Variants in EIF4E observed in about 807,000 individuals in gnomAD.
The protein encoded by EIF4E is eIF-4F 25 kDa subunit.
For missense variants in EIF4E, 113 were observed against 265.6 expected, an observed-to-expected ratio of 0.43 and a Z score of 3.99; for synonymous variants, 71 against 88.5, an observed-to-expected ratio of 0.80 and a Z score of 1.11.
intron 1 of EIF4E, among the ~76,000 whole-genome samples, chr4:98,924,018 GTC>G (rs1725765844): frequency 6.6e-6 from 1 of 151,852 alleles, no homozygotes. Context: ...TCTCAAAAAA[GTC>G]TCTATGACTA....
At chr4:98,904,260 A>T (rs1241361211) in intron 1 of EIF4E, among the ~76,000 whole-genome samples, 1 of 152,182 alleles carries the variant, frequency 6.6e-6, no homozygotes, top group Non-Finnish European at 1.5e-5. Context: ...AGGAGTTCGA[A>T]AACAGCCTCA....
At chr4:98,884,265 T>C (rs1300760079) in intron 6 of EIF4E, among the ~76,000 whole-genome samples, 2 of 152,216 alleles carry the variant, frequency 1.3e-5, no homozygotes, top group Non-Finnish European at 2.9e-5. Context: ...TTCAAAGTAG[T>C]ACTTTTTTCC....
intron 1 of EIF4E, among the ~76,000 whole-genome samples, chr4:98,914,604 C>T (rs1164739799): frequency 6.6e-6 from 1 of 151,782 alleles, no homozygotes; most frequent in Admixed American, 6.6e-5. Flanking sequence ...CTGGAAAAGA[C>T]AAAAAGATCA....
At chr4:98,907,212 C>T (rs1482750048) in intron 1 of EIF4E, among the ~76,000 whole-genome samples, 1 of 152,102 alleles carries the variant, frequency 6.6e-6, no homozygotes, top group Non-Finnish European at 1.5e-5. Flanking sequence ...AGGTATTCCT[C>T]CCAGAACAAT....
At chr4:98,883,234 T>C (rs1478764992) in intron 6 of EIF4E, among the ~76,000 whole-genome samples, 2 of 152,098 alleles carry the variant, frequency 1.3e-5, no homozygotes, top group Non-Finnish European at 2.9e-5. Context: ...ATCGCGCTAC[T>C]GCACCCCAGC....
At chr4:98,911,660 T>TAAA (rs1725142706) in intron 1 of EIF4E, among the ~76,000 whole-genome samples, 1 of 38,182 alleles carries the variant, frequency 2.6e-5, no homozygotes. Flanking sequence ...AAACTCTGTC[T>TAAA]CAAAAAAAAA....
intron 1 of EIF4E, chr4:98,903,362 T>G (rs1724729089): frequency 2.5e-6 from 1 of 395,268 alleles, no homozygotes; most frequent in Admixed American, 3.3e-5. Context: ...GAATATGGGT[T>G]TTTTTTTTTT....
intron 6 of EIF4E, among the ~76,000 whole-genome samples, chr4:98,883,073 G>A (rs1393897822): frequency 1.3e-5 from 2 of 152,056 alleles, no homozygotes; most frequent in Non-Finnish European, 2.9e-5. Flanking sequence ...ATGACTTGAG[G>A]CTAGGAGTTT....
At chr4:98,883,148 T>C (rs1026364368) in intron 6 of EIF4E, among the ~76,000 whole-genome samples, 19 of 151,956 alleles carry the variant, frequency 1.3e-4, no homozygotes, top group African/African-American at 4.6e-4. Context: ...GGTTCAGGCC[T>C]GTGGTCCCAG....
intron 1 of EIF4E, chr4:98,903,468 G>A (rs1194312146): frequency 1.5e-5 from 7 of 454,788 alleles, no homozygotes; most frequent in East Asian, 7.0e-5. Flanking sequence ...CAGCTTCCAC[G>A]GTAACTGGGA....
At chr4:98,902,262 G>A (rs1724686117) in intron 1 of EIF4E, among the ~76,000 whole-genome samples, 1 of 152,172 alleles carries the variant, frequency 6.6e-6, no homozygotes, top group Non-Finnish European at 1.5e-5. Flanking sequence ...AGTAGAGACG[G>A]GGTTTCACCC....
In EIF4E at chr4:98,901,971, A is replaced by T; in HGVS notation, c.30T>A (p.Pro10=). The T allele has an allele frequency of 6.2e-7, 1 of 1,613,746 alleles. No homozygotes were observed. Among genetic ancestry groups the T allele is most frequent in the Non-Finnish European group, 8.5e-7 (1 of 1,179,898 alleles). The change falls in exon 2 of 7, where the codon CCT becomes CCA. Residue 10 remains proline, a synonymous_variant. Transcript: ENST00000450253. ...CTTCTGTAGTCGGGGGATTAGGAGT[A>T]GGGGTGGTTTCCTAGTGGAAAATAA... is the stretch of plus-strand genomic sequence containing the variant. MATVEPETT[P]TPNPPTTEEE...
At chr4:98,905,446 G>A (rs1004240161) in intron 1 of EIF4E, among the ~76,000 whole-genome samples, 1 of 152,182 alleles carries the variant, frequency 6.6e-6, no homozygotes, top group Non-Finnish European at 1.5e-5. Context: ...GCCATGGGAT[G>A]GTGCTGTGTT....
intron 1 of EIF4E, among the ~76,000 whole-genome samples, chr4:98,917,435 G>A (rs1206299490): frequency 2.0e-5 from 3 of 151,746 alleles, no homozygotes; most frequent in African/African-American, 4.8e-5. Flanking sequence ...CTGGTTTCCC[G>A]AAAAAGGGCT....
chr4:98,902,044 T>C, intron 1 of EIF4E, 62 bp from the exon 2 acceptor site: 1 of 1,475,724 alleles, frequency 6.8e-7, no homozygotes, highest in South Asian at 1.1e-5. Context: ...ACAGCAATAT[T>C]CTAACTAAAC....
At chr4:98,928,540 C>A (rs1409557725) in intron 1 of EIF4E, among the ~76,000 whole-genome samples, 1 of 152,076 alleles carries the variant, frequency 6.6e-6, no homozygotes, top group Non-Finnish European at 1.5e-5. Context: ...CGGCACCACT[C>A]CCGCCTAACC....
At chr4:98,885,802 A>T (rs1390477591) in intron 5 of EIF4E, among the ~76,000 whole-genome samples, 1 of 152,110 alleles carries the variant, frequency 6.6e-6, no homozygotes, top group African/African-American at 2.4e-5. Flanking sequence ...CATTTTAACC[A>T]CCTTTAAGTG....
chr4:98,917,894 A>G (rs1339613994), intron 1 of EIF4E, among the ~76,000 whole-genome samples: 12 of 141,224 alleles, frequency 8.5e-5, no homozygotes, highest in African/African-American at 1.3e-4. Flanking sequence ...TGGCCAACAT[A>G]ATGAAACTCC....
intron 1 of EIF4E, among the ~76,000 whole-genome samples, chr4:98,922,339 C>CCTAA (rs1553934294): frequency 2.6e-5 from 4 of 151,976 alleles, no homozygotes; most frequent in Non-Finnish European, 5.9e-5. Context: ...GGGCGGATCA[C>CCTAA]GAGGTCAGGA....
Sources: gnomAD v4.1 joint callset for allele counts (sites outside exome capture counted in the v4.1 genomes callset) on GRCh38, gnomAD v4.1.1 for gene constraint, MANE v1.5 for transcripts, NCBI Gene and HGNC (gene_info 2026-07-23, HGNC 2026-07-21) for gene names.